Variants in FBXO31 observed in about 807,000 individuals in gnomAD.
FBXO31 encodes the protein F-box protein 31.
Under a neutral mutation model 54.4 loss-of-function variants are expected in FBXO31, and 24 were observed. The ratio of observed to expected loss-of-function variants is 0.44; its 90% CI spans 0.32 to 0.62. The LOEUF (loss-of-function observed/expected upper bound fraction) is 0.62, where lower values mean the gene tolerates loss of function less well. Ranked by LOEUF, FBXO31 falls within the 20% of genes least tolerant of loss-of-function variation. The pLI is 0.05. For missense variants in FBXO31, 665 were observed against 787.1 expected, an observed-to-expected ratio of 0.84 and a Z score of 1.86; for synonymous variants, 388 against 335.6, an observed-to-expected ratio of 1.16 and a Z score of -1.71.
At position 87,338,686 on chromosome 16, in the gene FBXO31, A is replaced by T. The variant is rs974129495; in HGVS notation, c.733-2422T>A. The stretch of plus-strand genomic sequence containing the variant: ...TGGCCTCCCGGGGTGGGGGTGACCC[A>T]CACAGAGATGCAGGGATGCCAAAGA... On this transcript the variant is annotated intron_variant, in intron 5 of 8. Transcript: ENST00000311635. This position sits in a 1 kb window ranked among gnomAD's most constrained non-coding sequence, Gnocchi z 4.3. Among the ~76,000 whole-genome samples, 6 of 152,160 alleles carry T rather than the reference A, an allele frequency of 3.9e-5. No homozygotes were observed. The highest frequency in any genetic ancestry group is 6.5e-5 in the Admixed American group (1 of 15,284).
chr16:87,383,955 CGTGAGG>C, upstream of FBXO31: 1 of 261,552 alleles, frequency 3.8e-6, no homozygotes, highest in Non-Finnish European at 7.0e-6. The surrounding 1 kb of genome is among the most constrained non-coding windows in gnomAD (Gnocchi z 4.9). Flanking sequence ...TCCCCTCCAG[CGTGAGG>C]GCGCCGCCCG....
intron 1 of FBXO31, among the ~76,000 whole-genome samples, chr16:87,379,224 G>C (rs565978638): frequency 1.3e-3 from 196 of 152,174 alleles, no homozygotes; most frequent in Middle Eastern, 3.4e-3. Context: ...CACATCCCAG[G>C]TTCAAGCAAT....
At chr16:87,353,684 G>A (rs545994539) in intron 2 of FBXO31, among the ~76,000 whole-genome samples, 70 of 150,520 alleles carry the variant, frequency 4.7e-4, no homozygotes, top group African/African-American at 1.5e-3. Context: ...TGTGAGAGGC[G>A]GGAAGGAGGC....
upstream of FBXO31, among the ~76,000 whole-genome samples, chr16:87,390,873 C>T (rs1907513854): frequency 6.6e-6 from 1 of 152,130 alleles, no homozygotes; most frequent in South Asian, 2.1e-4. Flanking sequence ...GCTGGGTTTA[C>T]AGGCTTGGAG....
intron 1 of FBXO31, among the ~76,000 whole-genome samples, chr16:87,363,720 T>C (rs1567482010): frequency 6.6e-6 from 1 of 152,196 alleles, no homozygotes; most frequent in Non-Finnish European, 1.5e-5. Context: ...GGACAGGGAC[T>C]CTGTGAGAGT....
chr16:87,359,493 A>C (rs78070680), intron 2 of FBXO31, among the ~76,000 whole-genome samples: 2,568 of 152,292 alleles, frequency 0.017, 91 homozygotes, highest in African/African-American at 0.059. Flanking sequence ...GGTGCTGACA[A>C]CTCTTAGAGA....
chr16:87,344,759 A>C (rs1905306185), intron 3 of FBXO31, among the ~76,000 whole-genome samples: 1 of 152,218 alleles, frequency 6.6e-6, no homozygotes, highest in Admixed American at 6.5e-5. Context: ...TCTCAGAGGA[A>C]ACATCCTAAA....
At chr16:87,360,403 C>A (rs76089114) in intron 1 of FBXO31, 37 bp from the exon 2 acceptor site, 2 of 1,592,444 alleles carry the variant, frequency 1.3e-6, no homozygotes, top group African/African-American at 1.3e-5. Flanking sequence ...TTAAGATCAA[C>A]AACTCATAAC....
chr16:87,341,010 C>T (rs1905176472), intron 5 of FBXO31, among the ~76,000 whole-genome samples: 1 of 152,122 alleles, frequency 6.6e-6, no homozygotes, highest in Non-Finnish European at 1.5e-5. Context: ...GTTCATGAAA[C>T]AGTTCATAAA....
chr16:87,389,588 A>G (rs1941383501), intron 1 of FBXO31: 1 of 152,238 alleles, frequency 6.6e-6, no homozygotes, highest in African/African-American at 2.4e-5. Context: ...ATTTCTTACA[A>G]AGCAGCAACT....
chr16:87,341,287 T>C (rs1028567628), intron 5 of FBXO31, among the ~76,000 whole-genome samples: 4 of 152,182 alleles, frequency 2.6e-5, no homozygotes, highest in African/African-American at 9.7e-5. Context: ...AAATGTAATA[T>C]GGTTTTCTTT....
In FBXO31 at chr16:87,383,704, C is replaced by A. The variant is rs1045740488; in HGVS notation, c.41G>T (p.Arg14Leu). The A allele has an allele frequency of 7.9e-6, 10 of 1,264,592 alleles. No individual in the cohort carries two copies. The highest frequency in any genetic ancestry group is 9.9e-6 in the Non-Finnish European group (10 of 1,011,878). 78.3% of individuals were successfully genotyped at this position (1,264,592 alleles called of 1,614,324 possible). The change falls in exon 1 of 9, where the codon CGC (arginine) becomes CTC (leucine). Residue 14 changes from arginine (R) to leucine (L), a missense_variant. By Grantham distance (102) the Arg-to-Leu change is moderately radical. This residue lies in a region of FBXO31 where 195 missense variants were observed against 174.8 expected (regional missense o/e 1.12). Coordinates refer to ENST00000311635, the MANE Select transcript of FBXO31 (RefSeq NM_024735.5). This position sits in a 1 kb window ranked among gnomAD's most constrained non-coding sequence, Gnocchi z 4.9. Reference protein sequence around the residue: ...CARLCGVGPSRGCRRRQQRRG... With the variant: ...CARLCGVGPSLGCRRRQQRRG... ...GCGCTGCTGGCGGCGCCGACATCCG[C>A]GCGACGGGCCCACGCCGCAAAGGCG...
rs969798323 is a variant in FBXO31, at chr16:87,328,659, A to G, written c.*2629T>C. Reference sequence around the variant, plus strand: ...CCTCTCTGAAATCTTCAATCACATCATTTCCAAACAAGTGACAAAGAACAC... The same window carrying G: ...CCTCTCTGAAATCTTCAATCACATCGTTTCCAAACAAGTGACAAAGAACAC... On this transcript the variant is annotated 3_prime_UTR_variant, in exon 9 of 9. Transcript: ENST00000311635. 6.6e-6 allele frequency: 1 copy of G among 152,202 alleles called. No homozygotes were observed. Among genetic ancestry groups the G allele is most frequent in the Non-Finnish European group, 1.5e-5 (1 of 68,040 alleles). 9.4% of individuals were successfully genotyped at this position (152,202 alleles called of 1,614,324 possible). A position where few individuals can be genotyped will look rare whatever the true frequency, so the allele number is the denominator to read the frequency against.
chr16:87,349,586 C>T (rs1243228631), intron 2 of FBXO31, among the ~76,000 whole-genome samples: 1 of 152,156 alleles, frequency 6.6e-6, no homozygotes, highest in Non-Finnish European at 1.5e-5. Context: ...TGGCAAGTGC[C>T]TGTAATCCCA....
At position 87,345,566 on chromosome 16, in the gene FBXO31, G is replaced by A. The variant is rs1173044640; in HGVS notation, c.489+1608C>T. Among the ~76,000 whole-genome samples the A allele has an allele frequency of 6.6e-6, 1 of 152,126 alleles. No homozygotes were observed. Among genetic ancestry groups the A allele is most frequent in the African/African-American group, 2.4e-5 (1 of 41,418 alleles). ...AACACAGAAACTAAAACTACAAGCA[G>A]ACATCTGCTCCTGGCCCTGGCCCCA... is the stretch of plus-strand genomic sequence containing the variant. On this transcript the variant is annotated intron_variant, in intron 3 of 8. Transcript: ENST00000311635. The surrounding 1 kb of genome is among the most constrained non-coding windows in gnomAD (Gnocchi z 4.9).
rs1393052179 is a variant in FBXO31, at chr16:87,342,918, T to G, written c.691A>C (p.Asn231His). The G allele has an allele frequency of 1.2e-6, 2 of 1,608,626 alleles. No homozygotes were observed. The highest frequency in any genetic ancestry group is 1.1e-5 in the South Asian group (1 of 89,456). The part of the protein sequence containing the change: ...VKKDEFSTKC[N>H]QTDHHRMSGG... ...GACATCCTGTGGTGGTCCGTCTGGT[T>G]GCACTTGGTGGAGAACTCATCCTTC... The change falls in exon 5 of 9, where the codon AAC (asparagine) becomes CAC (histidine). Residue 231 changes from asparagine to histidine, a missense_variant. By Grantham distance (68) the Asn-to-His change is moderately conservative. This residue lies in a region of FBXO31 where 234 missense variants were observed against 346.8 expected (regional missense o/e 0.67). Coordinates refer to ENST00000311635, the MANE Select transcript of FBXO31 (RefSeq NM_024735.5).
Position 87,383,109 on chromosome 16 carries a change from T to G in FBXO31, c.340+296A>C, listed in dbSNP as rs560247187. ...ACGGCCTCGGCCCCGTGGTGTCCCG[T>G]GCCCCGCGTCAGGGCCTCTTCGATG... On this transcript the variant is annotated intron_variant, in intron 1 of 8. Transcript: ENST00000311635. The surrounding 1 kb of genome is among the most constrained non-coding windows in gnomAD (Gnocchi z 4.9). Among the ~76,000 whole-genome samples the G allele has an allele frequency of 2.7e-4, 41 of 151,858 alleles. No individual in the cohort carries two copies. The highest frequency in any genetic ancestry group is 9.7e-4 in the African/African-American group (40 of 41,436).
chr16:87,360,240 C>CAA, intron 2 of FBXO31, 55 bp downstream of exon 2: 1 of 1,491,432 alleles, frequency 6.7e-7, no homozygotes, highest in South Asian at 1.1e-5. Flanking sequence ...TTGATGTGCA[C>CAA]TGTCTGCTTC....
intron 2 of FBXO31, among the ~76,000 whole-genome samples, chr16:87,352,024 G>A (rs1597368107): frequency 1.3e-5 from 2 of 152,178 alleles, no homozygotes; most frequent in African/African-American, 4.8e-5. Context: ...TCAGCAAGGC[G>A]ATGTGGGGTG....
Sources: gnomAD v4.1 joint callset for allele counts (sites outside exome capture counted in the v4.1 genomes callset) on GRCh38, gnomAD v4.1.1 for gene constraint, gnomAD v4.1.1 regional missense constraint, Gnocchi (gnomAD v3.1) non-coding constraint, MANE v1.5 for transcripts, NCBI Gene and HGNC (gene_info 2026-07-23, HGNC 2026-07-21) for gene names.